Variants in GYS2 observed in about 807,000 individuals in gnomAD.
GYS2 encodes the protein glycogen [starch] synthase, liver.
GYS2 carries 80 observed loss-of-function variants against 85.6 expected under a neutral mutation model. The ratio of observed to expected loss-of-function variants is 0.93; its 90% CI spans 0.78 to 1.13. The LOEUF (loss-of-function observed/expected upper bound fraction) is 1.13. Ranked by LOEUF, GYS2 falls within the 50% of genes most tolerant of loss-of-function variation. The probability of loss-of-function intolerance (pLI) is 0.00; values close to 1 mark genes in which losing one functional copy is unlikely to be tolerated. For synonymous variants in GYS2, 328 were observed against 300.7 expected, an observed-to-expected ratio of 1.09 and a Z score of -0.94; for missense variants, 881 against 854.9, an observed-to-expected ratio of 1.03 and a Z score of -0.38.
chr12:21,568,510 T>G (rs981863969), intron 5 of GYS2, among the ~76,000 whole-genome samples: 1 of 152,228 alleles, frequency 6.6e-6, no homozygotes, highest in Non-Finnish European at 1.5e-5. Context: ...AGGACTGGGA[T>G]AGTCTCACAC....
intron 7 of GYS2, 93 bp downstream of exon 7, chr12:21,562,825 G>A: frequency 7.3e-7 from 1 of 1,375,420 alleles, no homozygotes; most frequent in Non-Finnish European, 1.0e-6. Context: ...TTATTCTCTT[G>A]AAAACTATTT....
intron 1 of GYS2, among the ~76,000 whole-genome samples, chr12:21,586,373 G>C (rs1453797827): frequency 6.6e-6 from 1 of 151,986 alleles, no homozygotes; most frequent in Admixed American, 6.6e-5. Context: ...CCTTGTGATT[G>C]TGTAAGTTAA....
chr12:21,534,515 CAAAA>C (rs1298044878), downstream of GYS2, among the ~76,000 whole-genome samples: 1 of 105,008 alleles, frequency 9.5e-6, no homozygotes, highest in African/African-American at 3.8e-5. Flanking sequence ...AGACTCTTGT[CAAAA>C]AGAAAAAGAA....
At chr12:21,540,369 A>AT (rs771034438) in intron 14 of GYS2, 41 bp downstream of exon 14, 13 of 1,557,768 alleles carry the variant, frequency 8.3e-6, no homozygotes, top group African/African-American at 6.8e-5. Context: ...GTCCAGTGGA[A>AT]TTTTTTAAGT....
At chr12:21,535,454 C>A (rs1277416421), downstream of GYS2, among the ~76,000 whole-genome samples, 1 of 152,098 alleles carries the variant, frequency 6.6e-6, no homozygotes, top group African/African-American at 2.4e-5. Flanking sequence ...TGCAGATGCT[C>A]GGTTAATTGG....
intron 1 of GYS2, among the ~76,000 whole-genome samples, chr12:21,603,526 G>A (rs76728985): frequency 0.012 from 1,815 of 152,158 alleles, 49 homozygotes; most frequent in African/African-American, 0.042. Flanking sequence ...TTAGATTACT[G>A]TAATAGACAT....
intron 1 of GYS2, among the ~76,000 whole-genome samples, chr12:21,600,551 A>AAAGCC (rs1188825569): frequency 6.6e-6 from 1 of 152,172 alleles, no homozygotes; most frequent in Admixed American, 6.5e-5. Flanking sequence ...GCTCTAGAGA[A>AAAGCC]AAGCCATTTG....
chr12:21,575,891 G>T lies in GYS2; in HGVS notation c.470C>A (p.Ser157Tyr), dbSNP rs774019135. The change falls in exon 3 of 16, where the codon TCT (serine) becomes TAT (tyrosine). Residue 157 changes from serine to tyrosine, a missense_variant. Physicochemically the swap from Ser to Tyr is moderately radical, Grantham distance 144. Transcript: ENST00000261195. ...CTCTTTTAAGAACCAGGCAGTTAAAGATCCAAATATCAGCATATCATTGGC... is the reference window on the plus strand; with the variant it reads ...CTCTTTTAAGAACCAGGCAGTTAAATATCCAAATATCAGCATATCATTGGC... ...REANDMLIFGSLTAWFLKEVT... is the reference protein window; with the variant it reads ...REANDMLIFGYLTAWFLKEVT... 1 of 1,613,404 alleles carries T rather than the reference G, an allele frequency of 6.2e-7. No homozygotes were observed. Among genetic ancestry groups the T allele is most frequent in the African/African-American group, 1.3e-5 (1 of 74,882 alleles).
chr12:21,574,255 G>A lies in GYS2; in HGVS notation c.567C>T (p.Ile189=), dbSNP rs775652033. Residue 189 remains isoleucine, a synonymous_variant, in exon 4 of 16, where the codon ATC becomes ATT. Coordinates refer to ENST00000261195, the MANE Select transcript of GYS2 (RefSeq NM_021957.4). The stretch of plus-strand genomic sequence containing the variant: ...TAGGAAGTTTCCTGGCTCGAGAAAG[G>A]ATCAGTCCAATTCCAGCCTGCCATT... ...FHEWQAGIGL[I]LSRARKLPIA... 29 of 1,613,468 alleles carry A rather than the reference G, an allele frequency of 1.8e-5. No homozygotes were observed. Among genetic ancestry groups the A allele is most frequent in the Non-Finnish European group, 2.5e-5 (29 of 1,179,584 alleles).
At chr12:21,551,043 G>A (rs1944104198) in intron 11 of GYS2, among the ~76,000 whole-genome samples, 1 of 151,316 alleles carries the variant, frequency 6.6e-6, no homozygotes, top group South Asian at 2.1e-4. Flanking sequence ...AAGTTTTAGG[G>A]TACATGTGCA....
At chr12:21,568,301 C>A (rs1398055284) in intron 5 of GYS2, among the ~76,000 whole-genome samples, 1 of 152,138 alleles carries the variant, frequency 6.6e-6, no homozygotes, top group African/African-American at 2.4e-5. Context: ...ATTGGCCCAG[C>A]TTATGTCAGA....
intron 4 of GYS2, among the ~76,000 whole-genome samples, chr12:21,573,808 G>T (rs1338799183): frequency 4.6e-5 from 7 of 152,208 alleles, no homozygotes; most frequent in African/African-American, 1.4e-4. Flanking sequence ...TGTGGATCCA[G>T]GGTGTTCACA....
chr12:21,593,594 G>A (rs931093042), intron 1 of GYS2, among the ~76,000 whole-genome samples: 2 of 151,834 alleles, frequency 1.3e-5, no homozygotes, highest in African/African-American at 4.8e-5. Flanking sequence ...GAACAGACCA[G>A]TAATGAATAA....
chr12:21,539,325 G>T lies in GYS2; in HGVS notation c.1823C>A (p.Ala608Asp). 3 of 1,596,354 alleles carry T rather than the reference G, an allele frequency of 1.9e-6. No individual in the cohort carries two copies. The highest frequency in any genetic ancestry group is 1.1e-5 in the South Asian group (1 of 90,672). The change falls in exon 15 of 16, where the codon GCC becomes GAC. Residue 608 changes from alanine (A) to aspartate (D), a missense_variant. Ala to Asp is a moderately radical substitution (Grantham distance 126). Transcript: ENST00000261195. ...WRYLGRYYQH[A>D]RHLTLSRAFP... ...AGCTCTGCTTAATGTCAGGTGTCTGGCATGCTGGTAATACTATTGATAGAA... is the reference window on the plus strand; with the variant it reads ...AGCTCTGCTTAATGTCAGGTGTCTGTCATGCTGGTAATACTATTGATAGAA...
chr12:21,558,178 C>T (rs1346885894), intron 11 of GYS2, 22 bp downstream of exon 11: 7 of 1,371,272 alleles, frequency 5.1e-6, no homozygotes, highest in South Asian at 1.2e-5. Context: ...TTAAAGTTCG[C>T]CACATGAACA....
chr12:21,535,962 C>T (rs192245100), downstream of GYS2, among the ~76,000 whole-genome samples: 1 of 151,572 alleles, frequency 6.6e-6, no homozygotes, highest in East Asian at 1.9e-4. Context: ...TATGTTGAGA[C>T]ATTGTCATTA....
rs1385598199 is a variant in GYS2 at position 21,604,746 on chromosome 12, T to A, written c.-154A>T. 2 of 1,458,572 alleles carry A rather than the reference T, an allele frequency of 1.4e-6. No homozygotes were observed. The highest frequency in any genetic ancestry group is 2.3e-5 in the Admixed American group (1 of 42,676). The allele number at this position is 1,458,572 out of a possible 1,614,324, so 90.4% of individuals were successfully genotyped here. The stretch of plus-strand genomic sequence containing the variant: ...AATAAACTAGTAGCATGAAATCTTA[T>A]GTGCTTCCCACAGAATTCCTGGTGG... On this transcript the variant is annotated 5_prime_UTR_variant, in exon 1 of 16. Coordinates refer to ENST00000261195, the MANE Select transcript of GYS2 (RefSeq NM_021957.4).
At chr12:21,555,706 A>T (rs370205341) in intron 11 of GYS2, among the ~76,000 whole-genome samples, 1 of 152,080 alleles carries the variant, frequency 6.6e-6, no homozygotes, top group East Asian at 1.9e-4. Context: ...TTCCTGTTTT[A>T]CATTCCTTCC....
At chr12:21,601,088 A>G (rs926261660) in intron 1 of GYS2, among the ~76,000 whole-genome samples, 2 of 152,112 alleles carry the variant, frequency 1.3e-5, no homozygotes, top group African/African-American at 4.8e-5. Context: ...ATGATCCTAA[A>G]TATCCTTAAC....
Sources: gnomAD v4.1 joint callset for allele counts (sites outside exome capture counted in the v4.1 genomes callset) on GRCh38, gnomAD v4.1.1 for gene constraint, MANE v1.5 for transcripts, NCBI Gene and HGNC (gene_info 2026-07-23, HGNC 2026-07-21) for gene names.